Variants in ZNF236 observed in about 807,000 individuals in gnomAD.
ZNF236 encodes the protein zinc finger protein 236, also known as regulated by glucose.
In ZNF236, 50 loss-of-function variants were observed where a neutral mutation model predicts 191.2. The ratio of observed to expected loss-of-function variants is 0.26; its 90% CI spans 0.21 to 0.33. The LOEUF (loss-of-function observed/expected upper bound fraction) is 0.33, where lower values mean the gene tolerates loss of function less well. Ranked by LOEUF, ZNF236 falls within the 10% of genes least tolerant of loss-of-function variation. The pLI, the probability that ZNF236 is intolerant of heterozygous loss-of-function variation, is 1.00. For missense variants in ZNF236, 1,754 were observed against 2,374.5 expected (o/e 0.74, Z 5.43); for synonymous variants, 907 against 928.8 (o/e 0.98, Z 0.43).
intron 1 of ZNF236, among the ~76,000 whole-genome samples, chr18:76,837,139 C>G (rs944235329): frequency 4.4e-5 from 5 of 114,652 alleles, no homozygotes; most frequent in East Asian, 3.4e-4. Flanking sequence ...CCCCCCCCCC[C>G]GCCCCGCAAG....
chr18:76,823,931 A>G (rs1042006398), intron 1 of ZNF236, among the ~76,000 whole-genome samples: 2 of 152,134 alleles, frequency 1.3e-5, no homozygotes, highest in African/African-American at 4.8e-5. Context: ...CACCCGTGCA[A>G]CTGGAGCGGC....
At chr18:76,897,373 G>A (rs918378892) in intron 10 of ZNF236, among the ~76,000 whole-genome samples, 5 of 148,680 alleles carry the variant, frequency 3.4e-5, no homozygotes, top group East Asian at 2.1e-4. Flanking sequence ...CACACAAGTA[G>A]TACATAGAGT....
At chr18:76,939,593 A>G (rs1968080585) in intron 26 of ZNF236, among the ~76,000 whole-genome samples, 2 of 152,280 alleles carry the variant, frequency 1.3e-5, no homozygotes, top group African/African-American at 4.8e-5. Context: ...CAGGTACAGG[A>G]GTCTGTACAC....
Position 76,881,486 on chromosome 18 carries a change from TAAAGAA to T in ZNF236, c.1392_1397del (p.Ile464_Lys466delinsMet). ...CTGGATAAAAAAGAAAAAAAAATGA[TAAAGAA>T]GAAGTCACCGTTTCTACCTGGTAAT... On this transcript the variant is annotated inframe_deletion, in exon 9 of 31. Transcript: ENST00000320610. 6.2e-7 allele frequency: 1 copy of T among 1,612,650 alleles called. No individual in the cohort carries two copies. Among genetic ancestry groups the T allele is most frequent in the African/African-American group, 1.3e-5 (1 of 74,786 alleles).
intron 11 of ZNF236, among the ~76,000 whole-genome samples, chr18:76,903,435 G>A (rs956100582): frequency 2.6e-5 from 4 of 152,164 alleles, no homozygotes; most frequent in African/African-American, 9.7e-5. Flanking sequence ...AAATTGAAAC[G>A]GAATCTGTAT....
rs1431120140 is a variant in ZNF236 at position 76,925,962 on chromosome 18, G to C, written c.4027+408G>C. ...CTTGAGAAGTGTTACATTTTAGCTA[G>C]TTGTGTTGATTTGTGTGCCTGTGAG... On this transcript the variant is annotated intron_variant, in intron 22 of 30. Coordinates refer to ENST00000320610, the MANE Select transcript of ZNF236 (RefSeq NM_001306089.2). This position sits in a 1 kb window ranked among gnomAD's most constrained non-coding sequence, Gnocchi z 5.7. Among the ~76,000 whole-genome samples the C allele has an allele frequency of 6.6e-6, 1 of 152,178 alleles. No individual in the cohort carries two copies. Among genetic ancestry groups the C allele is most frequent in the Non-Finnish European group, 1.5e-5 (1 of 68,026 alleles).
rs546427192 is a variant in ZNF236, at chr18:76,862,444, G to A, written c.364-6241G>A. Reference sequence around the variant, plus strand: ...GAGCTGGCAGCACTTCGATTTCCCCGGTGCTTGGGCCCAAGCAGGGAGCTA... The same window carrying A: ...GAGCTGGCAGCACTTCGATTTCCCCAGTGCTTGGGCCCAAGCAGGGAGCTA... On this transcript the variant is annotated intron_variant, in intron 3 of 30. Transcript: ENST00000320610. Among the ~76,000 whole-genome samples the A allele has an allele frequency of 4.6e-4, 70 of 152,200 alleles. No individual in the cohort carries two copies. In the East Asian group the frequency reaches 0.011, roughly 23 times the overall value.
intron 3 of ZNF236, among the ~76,000 whole-genome samples, chr18:76,863,603 T>C (rs1328301256): frequency 6.6e-6 from 1 of 152,064 alleles, no homozygotes; most frequent in African/African-American, 2.4e-5. Context: ...TTTTTTTTTT[T>C]TTAAATTAGA....
intron 9 of ZNF236, among the ~76,000 whole-genome samples, chr18:76,889,591 G>A (rs894945860): frequency 6.6e-6 from 1 of 152,220 alleles, no homozygotes; most frequent in African/African-American, 2.4e-5. Flanking sequence ...CATCTGTAAG[G>A]TGGGACTAAG....
chr18:76,957,200 G>A (rs1968545193), intron 28 of ZNF236, among the ~76,000 whole-genome samples: 2 of 152,170 alleles, frequency 1.3e-5, no homozygotes, highest in African/African-American at 4.8e-5. Context: ...CTTTTAATGA[G>A]TGTAGGACTA....
chr18:76,908,622 C>A (rs1967125066), intron 14 of ZNF236, 49 bp downstream of exon 14: 2 of 1,556,798 alleles, frequency 1.3e-6, no homozygotes, highest in Non-Finnish European at 1.7e-6. Flanking sequence ...CAGAGTTTTG[C>A]AGCCTTTCCC....
Position 76,969,661 on chromosome 18 carries a change from G to T in ZNF236, c.*1322G>T, listed in dbSNP as rs1255278369. On this transcript the variant is annotated 3_prime_UTR_variant, in exon 31 of 31. Transcript: ENST00000320610. Reference sequence around the variant, plus strand: ...ATAATTGCCTTTATTTTCTCTCGTTGCCTCCTTGGTTTCAGAAGAGAGTAG... The same window carrying T: ...ATAATTGCCTTTATTTTCTCTCGTTTCCTCCTTGGTTTCAGAAGAGAGTAG... 1 of 151,472 alleles carries T rather than the reference G, an allele frequency of 6.6e-6. No individual in the cohort carries two copies. The highest frequency in any genetic ancestry group is 2.4e-5 in the African/African-American group (1 of 41,006). The allele number at this position is 151,472 out of a possible 1,614,324, so 9.4% of individuals were successfully genotyped here.
At chr18:76,968,044 G>A (rs553180810) in intron 30 of ZNF236, among the ~76,000 whole-genome samples, 171 bp from the exon 31 acceptor site, 1 of 152,242 alleles carries the variant, frequency 6.6e-6, no homozygotes, top group Admixed American at 6.5e-5. Context: ...CTGTCCTGCC[G>A]GCAGAGGTGT....
intron 9 of ZNF236, among the ~76,000 whole-genome samples, chr18:76,888,886 G>A (rs935658751): frequency 1.6e-4 from 25 of 152,336 alleles, no homozygotes; most frequent in Middle Eastern, 6.8e-3. Flanking sequence ...TCCTCCTGAC[G>A]GCCCAGCTAA....
At chr18:76,897,371 TA>T (rs1399466865) in intron 10 of ZNF236, among the ~76,000 whole-genome samples, 4 of 147,700 alleles carry the variant, frequency 2.7e-5, no homozygotes, top group African/African-American at 1.0e-4. Flanking sequence ...TGCACACAAG[TA>T]GTACATAGAG....
At chr18:76,826,545 C>G (rs113441042) in intron 1 of ZNF236, among the ~76,000 whole-genome samples, 5 of 150,792 alleles carry the variant, frequency 3.3e-5, no homozygotes, top group Middle Eastern at 3.4e-3. Flanking sequence ...AATCCCAGCT[C>G]TTTGGGAGGC....
intron 9 of ZNF236, among the ~76,000 whole-genome samples, chr18:76,882,611 A>G (rs957793719): frequency 6.6e-6 from 1 of 152,230 alleles, no homozygotes; most frequent in Non-Finnish European, 1.5e-5. Flanking sequence ...GCATGGAATA[A>G]CATTGCCATT....
At chr18:76,910,297 T>G in intron 15 of ZNF236, 128 bp downstream of exon 15, 1 of 776,964 alleles carries the variant, frequency 1.3e-6, no homozygotes. Flanking sequence ...AAATAACTTT[T>G]TGCATGCATT....
chr18:76,906,926 A>C (rs898584649), intron 13 of ZNF236, among the ~76,000 whole-genome samples: 1 of 152,236 alleles, frequency 6.6e-6, no homozygotes, highest in Non-Finnish European at 1.5e-5. Flanking sequence ...CTCATGCTAA[A>C]GATAGGTAAA....
Sources: gnomAD v4.1 joint callset for allele counts (sites outside exome capture counted in the v4.1 genomes callset) on GRCh38, gnomAD v4.1.1 for gene constraint, Gnocchi (gnomAD v3.1) non-coding constraint, MANE v1.5 for transcripts, NCBI Gene and HGNC (gene_info 2026-07-23, HGNC 2026-07-21) for gene names.